IQGAP2: variants seen among roughly 807,000 people sequenced by gnomAD.
IQGAP2 encodes ras GTPase-activating-like protein IQGAP2.
A neutral mutation model predicts 201.3 loss-of-function variants in IQGAP2; 173 were observed. The observed-to-expected ratio is 0.86, with a 90% CI of 0.76 to 0.98. IQGAP2 has a LOEUF of 0.98. IQGAP2 is among the 50% of genes least tolerant of loss of function. The pLI is 0.00. For missense variants in IQGAP2, 1,687 were observed against 1,864.8 expected (o/e 0.90, Z 1.76); for synonymous variants, 675 against 673.9 (o/e 1.00, Z -0.03).
Position 76,600,805 on chromosome 5 carries a change from C to G in IQGAP2, c.1072-7C>G. On this transcript the variant is annotated splice_polypyrimidine_tract_variant and splice_region_variant and intron_variant, in intron 10 of 35. Transcript: ENST00000274364. ...GGGAGCTTATGTTGCCATATGTTTT[C>G]CAACAGAACTACTTGGCCCACGAGG... 1 of 1,613,790 alleles carries G rather than the reference C, an allele frequency of 6.2e-7. No homozygotes were observed. The highest frequency in any genetic ancestry group is 8.5e-7 in the Non-Finnish European group (1 of 1,179,784).
chr5:76,600,556 G>C (rs1207306950), intron 10 of IQGAP2, among the ~76,000 whole-genome samples: 1 of 152,158 alleles, frequency 6.6e-6, no homozygotes, highest in Non-Finnish European at 1.5e-5. Flanking sequence ...TCAGCAATGG[G>C]AATGCAGATA....
At position 76,627,462 on chromosome 5, in the gene IQGAP2, T is replaced by G; in HGVS notation, c.1574T>G (p.Val525Gly). 2 of 1,600,944 alleles carry G rather than the reference T, an allele frequency of 1.2e-6. No homozygotes were observed. Among genetic ancestry groups the G allele is most frequent in the Non-Finnish European group, 1.7e-6 (2 of 1,168,086 alleles). The part of the protein sequence containing the change: ...VLWLDEIQQA[V>G]DDANVDKDRA... ...TGGCTGGATGAGATACAGCAAGCCG[T>G]CGATGATGCCAACGTGGACAAGGAC... The change falls in exon 14 of 36, where the codon GTC (valine) becomes GGC (glycine). Residue 525 changes from valine to glycine, a missense_variant. Transcript: ENST00000274364.
chr5:76,619,334 T>G lies in IQGAP2; in HGVS notation c.1522-8076T>G, dbSNP rs570878302. ...AGGGCCTCTAAACTGTCCTAAGAAA[T>G]CATATGTCTATTCACAGATGATGGG... On this transcript the variant is annotated intron_variant, in intron 13 of 35. Coordinates refer to ENST00000274364, the MANE Select transcript of IQGAP2 (RefSeq NM_006633.5). Among the ~76,000 whole-genome samples the G allele has an allele frequency of 1.4e-4, 21 of 152,166 alleles. 1 individual carries two copies. In the South Asian group the frequency reaches 4.4e-3, roughly 32 times the overall value.
chr5:76,478,095 G>A (rs1188998966), intron 2 of IQGAP2, among the ~76,000 whole-genome samples: 2 of 151,984 alleles, frequency 1.3e-5, no homozygotes, highest in East Asian at 1.9e-4. Flanking sequence ...ATGGAGTTTC[G>A]CTCTTGTCAC....
intron 2 of IQGAP2, among the ~76,000 whole-genome samples, chr5:76,513,391 G>A (rs1197306484): frequency 6.6e-6 from 1 of 152,196 alleles, no homozygotes; most frequent in Non-Finnish European, 1.5e-5. Context: ...CACCACTCTT[G>A]ATAGGGATGA....
At chr5:76,656,576 T>C (rs1182925025) in intron 20 of IQGAP2, among the ~76,000 whole-genome samples, 1 of 152,218 alleles carries the variant, frequency 6.6e-6, no homozygotes, top group East Asian at 1.9e-4. Flanking sequence ...ATATGAAAGA[T>C]GACTTCAAAA....
At chr5:76,487,133 C>G (rs1026279029) in intron 2 of IQGAP2, among the ~76,000 whole-genome samples, 1 of 144,710 alleles carries the variant, frequency 6.9e-6, no homozygotes, top group Admixed American at 7.1e-5. Flanking sequence ...GAGGCTTGCT[C>G]TGTCACCCAG....
chr5:76,544,689 A>AG lies in IQGAP2; in HGVS notation c.147-17707_147-17706insG, dbSNP rs1742986436. ...GAGTGGTTGCTTAATTAAGTGCTTT[A>AG]ATTTTTTTTGGTCATATATACACGT... On this transcript the variant is annotated intron_variant, in intron 2 of 35. Coordinates refer to ENST00000274364, the MANE Select transcript of IQGAP2 (RefSeq NM_006633.5). Among the ~76,000 whole-genome samples the AG allele has an allele frequency of 2.5e-4, 38 of 152,088 alleles. 1 individual carries two copies. Among genetic ancestry groups the AG allele is most frequent in the Admixed American group, 2.3e-3 (35 of 15,264 alleles).
intron 2 of IQGAP2, among the ~76,000 whole-genome samples, chr5:76,500,498 A>G (rs138196653): frequency 6.6e-6 from 1 of 152,316 alleles, no homozygotes; most frequent in East Asian, 1.9e-4. Context: ...TTTCTTTTTA[A>G]CTTAGATTTG....
At position 76,693,243 on chromosome 5, in the gene IQGAP2, T is replaced by C. The variant is rs572015545; in HGVS notation, c.3906-112T>C. On this transcript the variant is annotated intron_variant, in intron 30 of 35. Transcript: ENST00000274364. ...CGCAAGAATGTTTTATTTTAAGGTA[T>C]TATCTTTGAAGCTTCAGTATTGTAT... 703 of 634,606 alleles carry C rather than the reference T, an allele frequency of 1.1e-3. 20 individuals are homozygous for C. In the South Asian group the frequency reaches 0.014, roughly 13 times the overall value. The allele number at this position is 634,606 out of a possible 1,614,324, so 39.3% of individuals were successfully genotyped here.
chr5:76,580,450 A>G (rs1745768460), intron 5 of IQGAP2, among the ~76,000 whole-genome samples: 1 of 152,226 alleles, frequency 6.6e-6, no homozygotes, highest in Non-Finnish European at 1.5e-5. Context: ...AAAACAAAAC[A>G]AAACAAAACA....
chr5:76,676,151 A>C (rs1429894571), intron 27 of IQGAP2, among the ~76,000 whole-genome samples: 2 of 151,370 alleles, frequency 1.3e-5, no homozygotes, highest in African/African-American at 2.4e-5. Flanking sequence ...CACATTTCTC[A>C]TGAACTTTTA....
chr5:76,474,913 T>G (rs1755323580), intron 2 of IQGAP2, among the ~76,000 whole-genome samples: 1 of 152,152 alleles, frequency 6.6e-6, no homozygotes, highest in Non-Finnish European at 1.5e-5. Flanking sequence ...GGTTTCACCA[T>G]ATTGGTCAGG....
At chr5:76,680,737 G>A (rs1380512462) in intron 28 of IQGAP2, among the ~76,000 whole-genome samples, 1 of 149,182 alleles carries the variant, frequency 6.7e-6, no homozygotes, top group East Asian at 2.0e-4. Flanking sequence ...GCTGCAGTGA[G>A]CCATGATCAT....
intron 13 of IQGAP2, among the ~76,000 whole-genome samples, chr5:76,611,764 T>A (rs1331041697): frequency 6.6e-6 from 1 of 152,222 alleles, no homozygotes; most frequent in African/African-American, 2.4e-5. Flanking sequence ...AGTGGCTTTT[T>A]CTGAGTACAG....
intron 18 of IQGAP2, among the ~76,000 whole-genome samples, 188 bp downstream of exon 18, chr5:76,653,021 C>T (rs1383490820): frequency 6.6e-6 from 1 of 152,084 alleles, no homozygotes; most frequent in Non-Finnish European, 1.5e-5. Context: ...TTGGTTAAAC[C>T]GGTATAAAAC....
chr5:76,615,383 T>C (rs2150350332), intron 13 of IQGAP2: 1 of 152,362 alleles, frequency 6.6e-6, no homozygotes, highest in Non-Finnish European at 1.5e-5. Context: ...TACCTGAGTT[T>C]TGCTCTTTGC....
chr5:76,492,785 T>A (rs1339613978), intron 2 of IQGAP2, among the ~76,000 whole-genome samples: 1 of 152,162 alleles, frequency 6.6e-6, no homozygotes, highest in Non-Finnish European at 1.5e-5. Context: ...TCTTCACTCA[T>A]CCTACAAAGT....
chr5:76,582,730 T>C lies in IQGAP2; in HGVS notation c.459-6176T>C, dbSNP rs141964025. 2.6e-5 allele frequency among the ~76,000 whole-genome samples: 4 copies of C among 152,330 alleles called. 1 individual carries two copies. The highest frequency in any genetic ancestry group is 2.9e-5 in the Non-Finnish European group (2 of 68,032). On this transcript the variant is annotated intron_variant, in intron 5 of 35. Coordinates refer to ENST00000274364, the MANE Select transcript of IQGAP2 (RefSeq NM_006633.5). ...GGTAGAAAAAACTAATGCCATGTGA[T>C]ATTGGCAGTAATGTATGTGACTAAG... is the stretch of plus-strand genomic sequence containing the variant.
Sources: gnomAD v4.1 joint callset for allele counts (sites outside exome capture counted in the v4.1 genomes callset) on GRCh38, gnomAD v4.1.1 for gene constraint, MANE v1.5 for transcripts, NCBI Gene and HGNC (gene_info 2026-07-23, HGNC 2026-07-21) for gene names.